Variants in PRKG1 observed in about 807,000 individuals in gnomAD.
PRKG1 encodes the protein protein kinase cGMP-dependent 1, also known as cGMP-dependent protein kinase 1.
A neutral mutation model predicts 88.1 loss-of-function variants in PRKG1; 35 were observed. The ratio of observed to expected loss-of-function variants is 0.40; its 90% CI spans 0.30 to 0.53. PRKG1 has a LOEUF of 0.53. Among genes scored for constraint, PRKG1 ranks in the 20% least tolerant of loss-of-function variants. PRKG1 has a pLI of 0.59. For synonymous variants in PRKG1, 303 were observed against 292.5 expected (o/e 1.04, Z -0.37); for missense variants, 540 against 839.8 (o/e 0.64, Z 4.41).
In PRKG1 at chr10:51,621,674, G is replaced by A. The variant is rs187295148; in HGVS notation, c.592+153838G>A. On this transcript the variant is annotated intron_variant, in intron 3 of 17. Transcript: ENST00000373980. ...TTAACAAACGCAGATATTGTTACCT[G>A]TATTCTATTCTAGAATTCTGTCAAT... Among the ~76,000 whole-genome samples, 3 of 152,170 alleles carry A rather than the reference G, an allele frequency of 2.0e-5. No homozygotes were observed. In the East Asian group the frequency reaches 5.8e-4, roughly 29 times the overall value.
chr10:51,642,886 A>G (rs972981640), intron 3 of PRKG1, among the ~76,000 whole-genome samples: 1 of 152,356 alleles, frequency 6.6e-6, no homozygotes, highest in Middle Eastern at 3.4e-3. Context: ...AGTTATCTTC[A>G]ATCCAAATTG....
chr10:51,899,286 A>T (rs764482121), intron 4 of PRKG1, among the ~76,000 whole-genome samples: 1 of 152,158 alleles, frequency 6.6e-6, no homozygotes, highest in Non-Finnish European at 1.5e-5. Context: ...TCACTAATTC[A>T]TTTGGAAACC....
intron 3 of PRKG1, among the ~76,000 whole-genome samples, chr10:51,510,270 T>A (rs58789482): frequency 0.018 from 2,667 of 152,278 alleles, 53 homozygotes; most frequent in African/African-American, 0.045. Flanking sequence ...TGTATATGCA[T>A]AGTGAAATGA....
At chr10:52,118,505 G>A (rs1027039088) in intron 7 of PRKG1, among the ~76,000 whole-genome samples, 2 of 151,898 alleles carry the variant, frequency 1.3e-5, no homozygotes, top group Non-Finnish European at 2.9e-5. Context: ...CTTATACAGT[G>A]TATCTCTATG....
At chr10:51,310,423 C>T (rs1183297533) in intron 2 of PRKG1, among the ~76,000 whole-genome samples, 1 of 152,118 alleles carries the variant, frequency 6.6e-6, no homozygotes, top group African/African-American at 2.4e-5. Context: ...TGTCCTCACA[C>T]AGTTTAATGA....
intron 5 of PRKG1, among the ~76,000 whole-genome samples, chr10:51,996,035 G>A (rs1272698387): frequency 3.3e-5 from 5 of 152,040 alleles, no homozygotes; most frequent in Admixed American, 1.3e-4. Context: ...ATAACTGGCC[G>A]GGCACGGTGG....
intron 4 of PRKG1, among the ~76,000 whole-genome samples, chr10:51,875,821 T>C (rs893697799): frequency 2.6e-5 from 4 of 152,184 alleles, no homozygotes; most frequent in African/African-American, 9.7e-5. Context: ...TGGTGCCACC[T>C]GGAGTTCTTC....
chr10:51,875,562 A>G (rs1397530402), intron 4 of PRKG1, among the ~76,000 whole-genome samples: 1 of 152,126 alleles, frequency 6.6e-6, no homozygotes, highest in Non-Finnish European at 1.5e-5. Flanking sequence ...ACTTGACACC[A>G]TCCCTGGCTC....
intron 1 of PRKG1, among the ~76,000 whole-genome samples, chr10:51,035,847 T>C (rs1843346658): frequency 6.6e-6 from 1 of 152,192 alleles, no homozygotes; most frequent in Non-Finnish European, 1.5e-5. Flanking sequence ...TTATATGTCT[T>C]TCTACTGTTT....
intron 3 of PRKG1, among the ~76,000 whole-genome samples, chr10:51,611,054 TAA>T (rs759867340): frequency 7.6e-5 from 11 of 145,514 alleles, no homozygotes; most frequent in Non-Finnish European, 1.5e-5. Context: ...AACTTACAGT[TAA>T]AAAAAAAAAA....
chr10:51,473,485 T>A (rs183218924), intron 3 of PRKG1, among the ~76,000 whole-genome samples: 1 of 151,998 alleles, frequency 6.6e-6, no homozygotes, highest in Non-Finnish European at 1.5e-5. Flanking sequence ...TCATGTCCAA[T>A]TTCTATATTG....
intron 1 of PRKG1, among the ~76,000 whole-genome samples, chr10:51,151,612 C>T (rs1846074519): frequency 6.6e-6 from 1 of 150,502 alleles, no homozygotes; most frequent in Non-Finnish European, 1.5e-5. Context: ...CATTCTTACT[C>T]TAAAATCAAT....
chr10:51,610,446 C>A (rs544938458), intron 3 of PRKG1, among the ~76,000 whole-genome samples: 1 of 152,252 alleles, frequency 6.6e-6, no homozygotes, highest in Admixed American at 6.5e-5. Context: ...CCAGTTCCAC[C>A]CATGTAGTTG....
intron 10 of PRKG1, among the ~76,000 whole-genome samples, chr10:52,253,023 G>C (rs10824303): frequency 0.47 from 71,326 of 151,724 alleles, 18,682 homozygotes; most frequent in Non-Finnish European, 0.6. Context: ...TGGAGGTGTT[G>C]GGACATACAG....
intron 3 of PRKG1, among the ~76,000 whole-genome samples, chr10:51,693,130 C>G (rs1264271828): frequency 6.6e-6 from 1 of 151,386 alleles, no homozygotes; most frequent in East Asian, 2.0e-4. Flanking sequence ...TCTACTAAAA[C>G]TACAAAAATC....
intron 9 of PRKG1, among the ~76,000 whole-genome samples, chr10:52,184,200 G>T (rs1268624506): frequency 2.6e-5 from 4 of 152,144 alleles, no homozygotes; most frequent in African/African-American, 9.7e-5. Context: ...AAATGAAACA[G>T]TTAAGAAATT....
At chr10:51,591,880 G>A (rs530699306) in intron 3 of PRKG1, among the ~76,000 whole-genome samples, 2 of 152,144 alleles carry the variant, frequency 1.3e-5, no homozygotes, top group African/African-American at 4.8e-5. Flanking sequence ...ATTGGGTCAG[G>A]TACATGCTTT....
At chr10:51,597,015 G>A (rs951074320) in intron 3 of PRKG1, among the ~76,000 whole-genome samples, 5 of 152,108 alleles carry the variant, frequency 3.3e-5, no homozygotes, top group African/African-American at 7.2e-5. Context: ...AGCATTTATC[G>A]TCCCTGTAAC....
intron 2 of PRKG1, among the ~76,000 whole-genome samples, chr10:51,311,239 C>T (rs188074453): frequency 3.9e-4 from 60 of 152,208 alleles, no homozygotes; most frequent in Middle Eastern, 6.8e-3. Flanking sequence ...TTATTACATA[C>T]TGCCTTGGTT....
Sources: gnomAD v4.1 joint callset for allele counts (sites outside exome capture counted in the v4.1 genomes callset) on GRCh38, gnomAD v4.1.1 for gene constraint, MANE v1.5 for transcripts, NCBI Gene and HGNC (gene_info 2026-07-23, HGNC 2026-07-21) for gene names.